FAT1: variants seen among roughly 807,000 people sequenced by gnomAD.
The protein encoded by FAT1 is FAT atypical cadherin 1.
FAT1 carries 171 observed loss-of-function variants against 329.8 expected under a neutral mutation model. The ratio of observed to expected loss-of-function variants is 0.52; its 90% confidence interval spans 0.46 to 0.59. FAT1 has a LOEUF of 0.59. Ranked by LOEUF, FAT1 falls within the 20% of genes least tolerant of loss-of-function variation. The pLI is 0.00. For missense variants in FAT1, 5,672 were observed against 5,774.4 expected (o/e 0.98, Z 0.57); for synonymous variants, 2,233 against 2,228.6 (o/e 1.00, Z -0.06).
Position 186,711,617 on chromosome 4 carries a change from A to G in FAT1, c.-18-1772T>C, listed in dbSNP as rs182212310. Among the ~76,000 whole-genome samples, 287 of 152,290 alleles carry G rather than the reference A, an allele frequency of 1.9e-3. 2 individuals are homozygous for G. The highest frequency in any genetic ancestry group is 6.6e-3 in the African/African-American group (273 of 41,548). ...ATCCCAAGGGATTTACAAACTAGAAATAAAAATACATATAAAGAGGCTGGT... is the reference window on the plus strand; with the variant it reads ...ATCCCAAGGGATTTACAAACTAGAAGTAAAAATACATATAAAGAGGCTGGT... On this transcript the variant is annotated intron_variant, in intron 1 of 26. Coordinates refer to ENST00000441802, the MANE Select transcript of FAT1 (RefSeq NM_005245.4).
At chr4:186,634,408 CT>C (rs1740733674) in intron 6 of FAT1, among the ~76,000 whole-genome samples, 1 of 152,198 alleles carries the variant, frequency 6.6e-6, no homozygotes, top group Admixed American at 6.5e-5. Flanking sequence ...ATAAAACTCT[CT>C]TTTCAAATCC....
intron 2 of FAT1, among the ~76,000 whole-genome samples, chr4:186,691,754 G>A (rs889625068): frequency 1.3e-5 from 2 of 152,106 alleles, no homozygotes; most frequent in African/African-American, 4.8e-5. Flanking sequence ...GCTGCAGTAA[G>A]CCCTGATTGT....
In FAT1 at chr4:186,600,300, C is replaced by T. The variant is rs2126414753; in HGVS notation, c.11701G>A (p.Val3901Ile). ...DCGSGPGIVS[V>I]QSIQVNDGQW... ...CCATCATTGACCTGAATGCTCTGAA[C>T]AGAGACAATTCCAGGGCCACTTCCA... The change falls in exon 22 of 27, where the codon GTT (valine) becomes ATT (isoleucine). Residue 3901 changes from valine to isoleucine, a missense_variant. Val to Ile is a conservative substitution (Grantham distance 29). Coordinates refer to ENST00000441802, the MANE Select transcript of FAT1 (RefSeq NM_005245.4). The T allele has an allele frequency of 1.2e-6, 2 of 1,613,810 alleles. No homozygotes were observed. The highest frequency in any genetic ancestry group is 1.7e-6 in the Non-Finnish European group (2 of 1,179,812).
At chr4:186,723,870 G>C (rs1408632196), upstream of FAT1, 1 of 148,696 alleles carries the variant, frequency 6.7e-6, no homozygotes, top group Admixed American at 6.7e-5. Context: ...GAGCGCAGGA[G>C]ATCCCTCCGC....
Position 186,636,150 on chromosome 4 carries a change from A to C in FAT1, c.4058T>G (p.Leu1353Arg). The part of the protein sequence containing the change: ...IEWISKPKPS[L>R]EPISFEESFF... The stretch of plus-strand genomic sequence containing the variant: ...TGATTCTTCAAATGAAATGGGCTCC[A>C]GGGACGGTTTGGGCTTGGAGATCCA... The change falls in exon 6 of 27, where the codon CTG becomes CGG. Residue 1353 changes from leucine to arginine, a missense_variant. Physicochemically the swap from Leu to Arg is moderately radical, Grantham distance 102. Coordinates refer to ENST00000441802, the MANE Select transcript of FAT1 (RefSeq NM_005245.4). 6.2e-7 allele frequency: 1 copy of C among 1,614,038 alleles called. No individual in the cohort carries two copies. The highest frequency in any genetic ancestry group is 8.5e-7 in the Non-Finnish European group (1 of 1,179,888).
At chr4:186,687,069 C>CAA (rs1300403160) in intron 2 of FAT1, among the ~76,000 whole-genome samples, 1 of 152,116 alleles carries the variant, frequency 6.6e-6, no homozygotes, top group Non-Finnish European at 1.5e-5. Context: ...GCTTTTTAAA[C>CAA]AATTAATTAA....
At chr4:186,651,439 G>A (rs114601670) in intron 3 of FAT1, among the ~76,000 whole-genome samples, 1,726 of 152,332 alleles carry the variant, frequency 0.011, 20 homozygotes, top group Non-Finnish European at 0.017. Context: ...GGCAGCATTT[G>A]TCTGTGTGAA....
chr4:186,616,241 C>T (rs1418332554), intron 11 of FAT1, among the ~76,000 whole-genome samples: 1 of 152,178 alleles, frequency 6.6e-6, no homozygotes, highest in Non-Finnish European at 1.5e-5. Context: ...TCCAAAGTCC[C>T]TATTTTCTCT....
At chr4:186,601,857 C>A (rs957702841) in intron 20 of FAT1, among the ~76,000 whole-genome samples, 3 of 152,100 alleles carry the variant, frequency 2.0e-5, no homozygotes, top group Non-Finnish European at 4.4e-5. Flanking sequence ...GTAGAACTGA[C>A]TAAATAACAA....
chr4:186,684,984 G>C (rs970088413), intron 2 of FAT1, among the ~76,000 whole-genome samples: 22 of 152,172 alleles, frequency 1.4e-4, no homozygotes, highest in African/African-American at 5.1e-4. Context: ...ATTATCTAAA[G>C]GGAAGAAAGT....
rs1744664905 is a variant in FAT1 at position 186,707,134 on chromosome 4, C to T, written c.2694G>A (p.Arg898=). The T allele has an allele frequency of 6.2e-7, 1 of 1,613,778 alleles. No homozygotes were observed. The highest frequency in any genetic ancestry group is 8.5e-7 in the Non-Finnish European group (1 of 1,179,878). Residue 898 remains arginine (R), a synonymous_variant, in exon 2 of 27, where the codon AGG becomes AGA. Transcript: ENST00000441802. ...QHEHSLKIEA[R]DQAREEPQLF... is the part of the protein sequence containing the mutation. ...GCTGAGGCTCTTCTCTGGCTTGGTC[C>T]CTGGCCTCAATCTTTAAGGAGTGCT...
At chr4:186,722,361 G>T (rs1745504921) in intron 1 of FAT1, among the ~76,000 whole-genome samples, 1 of 152,192 alleles carries the variant, frequency 6.6e-6, no homozygotes, top group South Asian at 2.1e-4. Flanking sequence ...TTATACAAAT[G>T]CAAACTTCAT....
rs200988247 is a variant in FAT1, at chr4:186,707,888, G to A, written c.1940C>T (p.Ala647Val). The A allele has an allele frequency of 8.3e-5, 134 of 1,613,776 alleles. No individual in the cohort carries two copies. The highest frequency in any genetic ancestry group is 1.1e-4 in the Non-Finnish European group (129 of 1,179,914). The stretch of plus-strand genomic sequence containing the variant: ...TGTGGCAAAATTTTCTCCATCTGTA[G>A]CTGTGATTCTCAGACTGTGGAAAGA... ...KVSFHSLRIT[A>V]TDGENFATPL... is the part of the protein sequence containing the mutation. The change falls in exon 2 of 27, where the codon GCT becomes GTT. Residue 647 changes from alanine (A) to valine (V), a missense_variant. Around this residue, in one of 2 missense-constraint regions of FAT1, gnomAD observed 3,966 missense variants for 3,915.2 expected, o/e 1.01. Transcript: ENST00000441802.
At chr4:186,590,686 C>T (rs1222130740) in intron 26 of FAT1, 1 of 455,936 alleles carries the variant, frequency 2.2e-6, no homozygotes, top group Admixed American at 2.4e-5. Flanking sequence ...TTGTTTCTGA[C>T]AATCACAGCC....
chr4:186,696,840 A>C lies in FAT1; in HGVS notation c.3265+9723T>G, dbSNP rs148978179. ...GGAGTTCGAGACCAGCCTGGCCAAC[A>C]CAGCAAAAACTCGTCTCTAGTAAAA... is the stretch of plus-strand genomic sequence containing the variant. On this transcript the variant is annotated intron_variant, in intron 2 of 26. Transcript: ENST00000441802. Among the ~76,000 whole-genome samples the C allele has an allele frequency of 9.0e-3, 1,370 of 152,280 alleles. 17 individuals are homozygous for C. Among genetic ancestry groups the C allele is most frequent in the African/African-American group, 0.03 (1,259 of 41,556 alleles).
intron 21 of FAT1, among the ~76,000 whole-genome samples, chr4:186,600,820 C>T (rs372226968): frequency 3.3e-5 from 5 of 152,194 alleles, no homozygotes; most frequent in Admixed American, 1.3e-4. Flanking sequence ...AAGTGATTCT[C>T]GTGCCTCAGC....
rs2126524691 is a variant in FAT1 at position 186,621,372 on chromosome 4, T to C, written c.5214A>G (p.Gln1738=). The change falls in exon 10 of 27, where the codon CAA becomes CAG. Residue 1738 remains glutamine (Q), a synonymous_variant. Coordinates refer to ENST00000441802, the MANE Select transcript of FAT1 (RefSeq NM_005245.4). ...TGGACAAACCAGCCATGTTAGTTCC[T>C]TGTATTATCAATGTGTAAATGGGCA... The part of the protein sequence containing the change: ...ETLPIYTLII[Q]GTNMAGLSTN... The C allele has an allele frequency of 6.2e-7, 1 of 1,614,012 alleles. No homozygotes were observed.
rs66981811 is a variant in FAT1 at position 186,675,782 on chromosome 4, A to AACACACACAC, written c.3266-12179_3266-12170dup. ...CACACATACACACGACCCTGTCTAAAACACACACACACACACACACACACA... is the reference window on the plus strand; with the variant it reads ...CACACATACACACGACCCTGTCTAAAACACACACACACACACACACACACACACACACACA... On this transcript the variant is annotated intron_variant, in intron 2 of 26. Coordinates refer to ENST00000441802, the MANE Select transcript of FAT1 (RefSeq NM_005245.4). 3.0e-4 allele frequency among the ~76,000 whole-genome samples: 43 copies of AACACACACAC among 143,104 alleles called. 1 individual carries two copies. The highest frequency in any genetic ancestry group is 4.9e-4 in the African/African-American group (19 of 38,832). 93.9% of individuals were successfully genotyped at this position (143,104 alleles called of 152,430 possible). A position where few individuals can be genotyped will look rare whatever the true frequency, so the allele number is the denominator to read the frequency against.
chr4:186,606,005 AAC>A, intron 17 of FAT1, 63 bp downstream of exon 17: 1 of 1,463,746 alleles, frequency 6.8e-7, no homozygotes, highest in Non-Finnish European at 9.3e-7. Context: ...AAAGAAAAGC[AAC>A]AGAGGCCAAT....
Sources: gnomAD v4.1 joint callset for allele counts (sites outside exome capture counted in the v4.1 genomes callset) on GRCh38, gnomAD v4.1.1 for gene constraint, gnomAD v4.1.1 regional missense constraint, MANE v1.5 for transcripts, NCBI Gene and HGNC (gene_info 2026-07-23, HGNC 2026-07-21) for gene names.